CWF19L2: variants seen among roughly 807,000 people sequenced by gnomAD.
CWF19L2 encodes the protein CWF19-like protein 2.
Under a neutral mutation model 111.7 loss-of-function variants are expected in CWF19L2, and 98 were observed. The observed-to-expected ratio is 0.88, with a 90% CI of 0.75 to 1.04. CWF19L2 has a LOEUF of 1.04. Ranked by LOEUF, CWF19L2 falls within the 50% of genes least tolerant of loss-of-function variation. The pLI, the probability that CWF19L2 is intolerant of heterozygous loss-of-function variation, is 0.00. For missense variants in CWF19L2, 1,101 were observed against 1,051.4 expected (o/e 1.05, Z -0.65); for synonymous variants, 351 against 342.9 (o/e 1.02, Z -0.26).
intron 14 of CWF19L2, 70 bp from the exon 15 acceptor site, chr11:107,336,783 T>C (rs1859931790): frequency 1.2e-6 from 1 of 837,078 alleles, no homozygotes; most frequent in Non-Finnish European, 1.8e-6. Flanking sequence ...ATTCAAGATA[T>C]TTGAAATATG....
intron 14 of CWF19L2, among the ~76,000 whole-genome samples, chr11:107,337,455 A>T (rs1859944090): frequency 6.6e-6 from 1 of 151,366 alleles, no homozygotes; most frequent in Non-Finnish European, 1.5e-5. Flanking sequence ...GTAGAGGGTG[A>T]CTGAATAGAG....
At chr11:107,385,977 T>G (rs1722211341) in intron 12 of CWF19L2, among the ~76,000 whole-genome samples, 1 of 152,228 alleles carries the variant, frequency 6.6e-6, no homozygotes, top group South Asian at 2.1e-4. Context: ...TTATGATTAT[T>G]GTGGTTAATC....
At chr11:107,411,492 C>A (rs1455437827) in intron 10 of CWF19L2, among the ~76,000 whole-genome samples, 1 of 151,876 alleles carries the variant, frequency 6.6e-6, no homozygotes, top group African/African-American at 2.4e-5. Flanking sequence ...GTATTTGAAA[C>A]CCTTAAGTGA....
chr11:107,345,138 A>G (rs1860060241), intron 14 of CWF19L2, among the ~76,000 whole-genome samples: 1 of 152,200 alleles, frequency 6.6e-6, no homozygotes. Context: ...AAATAGGAAA[A>G]TATACAAATT....
At chr11:107,403,350 CTT>C in intron 10 of CWF19L2, 1 of 561,886 alleles carries the variant, frequency 1.8e-6, no homozygotes, top group South Asian at 2.3e-5. Context: ...AACCAAAAAA[CTT>C]TTTTTCATTT....
At chr11:107,351,654 T>C (rs555029232) in intron 13 of CWF19L2, among the ~76,000 whole-genome samples, 1 of 152,294 alleles carries the variant, frequency 6.6e-6, no homozygotes, top group African/African-American at 2.4e-5. Flanking sequence ...CATAAAGGCA[T>C]CCAGTTATTT....
intron 13 of CWF19L2, among the ~76,000 whole-genome samples, chr11:107,350,924 C>T (rs1860148213): frequency 1.3e-5 from 2 of 152,120 alleles, no homozygotes; most frequent in South Asian, 4.1e-4. Flanking sequence ...TGCTCTCCAG[C>T]TTGTCAGACA....
At chr11:107,407,848 AT>A (rs984512068) in intron 10 of CWF19L2, among the ~76,000 whole-genome samples, 12 of 152,058 alleles carry the variant, frequency 7.9e-5, no homozygotes, top group Admixed American at 6.6e-4. Flanking sequence ...AATAAAAAAA[AT>A]TTTTTAACTA....
intron 14 of CWF19L2, among the ~76,000 whole-genome samples, chr11:107,343,951 A>G (rs1173495691): frequency 6.6e-6 from 1 of 152,062 alleles, no homozygotes; most frequent in Admixed American, 6.5e-5. Flanking sequence ...GCGGTGGCTC[A>G]CGCTTGTAAT....
Position 107,364,302 on chromosome 11 carries a change from T to G in CWF19L2, c.1873-10566A>C, listed in dbSNP as rs535781076. Among the ~76,000 whole-genome samples the G allele has an allele frequency of 1.6e-4, 24 of 145,908 alleles. 2 individuals are homozygous for G. The South Asian group carries it at 5.2e-3, about 32-fold the overall frequency. ...CAACAAGGATACCCAGGAATTGAAC[T>G]CAGCTCTGCCTCAAGCGGACCTAAT... is the stretch of plus-strand genomic sequence containing the variant. On this transcript the variant is annotated intron_variant, in intron 12 of 17. Coordinates refer to ENST00000282251, the MANE Select transcript of CWF19L2 (RefSeq NM_152434.3).
Position 107,454,512 on chromosome 11 carries a change from T to A in CWF19L2, c.277A>T (p.Lys93Ter). 1 of 1,483,018 alleles carries A rather than the reference T, an allele frequency of 6.7e-7. No homozygotes were observed. The highest frequency in any genetic ancestry group is 8.9e-7 in the Non-Finnish European group (1 of 1,121,632). 91.9% of individuals were successfully genotyped at this position (1,483,018 alleles called of 1,614,324 possible). ...DKHSKKAKKE[K>*]KKKSKKQKYE... ...TTCTGTTTCTTGCTCTTTTTTTTCT[T>A]TTCTTTCTTTGCTTTTTTTGAATGC... The change falls in exon 3 of 18, where the codon AAG (lysine) becomes TAG (stop). Residue 93 changes from lysine to a stop codon, truncating the protein, a stop_gained. Transcript: ENST00000282251. LOFTEE classifies it high-confidence loss of function.
chr11:107,438,350 C>T (rs1248400234), intron 6 of CWF19L2, among the ~76,000 whole-genome samples: 1 of 152,092 alleles, frequency 6.6e-6, no homozygotes, highest in African/African-American at 2.4e-5. Context: ...ATTTTGTCTC[C>T]ATCTGCTGGA....
intron 5 of CWF19L2, among the ~76,000 whole-genome samples, chr11:107,440,474 A>G (rs1387268877): frequency 1.3e-5 from 2 of 152,220 alleles, no homozygotes; most frequent in Non-Finnish European, 2.9e-5. Context: ...GTTTGTATCA[A>G]AAAAGGTTCT....
chr11:107,403,633 G>A (rs562473862), intron 10 of CWF19L2: 25 of 775,894 alleles, frequency 3.2e-5, no homozygotes, highest in South Asian at 8.0e-5. Context: ...TGTTCTCCTC[G>A]TCTTTCTTCT....
At chr11:107,431,620 A>G (rs1861466425) in intron 7 of CWF19L2, among the ~76,000 whole-genome samples, 1 of 152,168 alleles carries the variant, frequency 6.6e-6, no homozygotes, top group South Asian at 2.1e-4. Flanking sequence ...ATAAGAAAGC[A>G]AAGCTAATTT....
intron 5 of CWF19L2, among the ~76,000 whole-genome samples, 191 bp downstream of exon 5, chr11:107,441,312 C>T (rs967524701): frequency 7.9e-5 from 12 of 152,002 alleles, no homozygotes; most frequent in African/African-American, 1.9e-4. Flanking sequence ...ATCTAGTAAA[C>T]CTTTAAACTC....
At position 107,351,285 on chromosome 11, in the gene CWF19L2, G is replaced by A. The variant is rs532809767; in HGVS notation, c.2086-2232C>T. Among the ~76,000 whole-genome samples the A allele has an allele frequency of 2.6e-5, 4 of 152,294 alleles. No individual in the cohort carries two copies. The South Asian group carries it at 8.3e-4, about 32-fold the overall frequency. On this transcript the variant is annotated intron_variant, in intron 13 of 17. Coordinates refer to ENST00000282251, the MANE Select transcript of CWF19L2 (RefSeq NM_152434.3). ...AATTTAGAAATGGACAGTAAGGAGT[G>A]AGGGAAAGTAAAGGACTCAATATTA...
At chr11:107,393,158 G>C (rs1040887392) in intron 10 of CWF19L2, among the ~76,000 whole-genome samples, 1 of 151,988 alleles carries the variant, frequency 6.6e-6, no homozygotes, top group Admixed American at 6.6e-5. Flanking sequence ...TTTTCATCTA[G>C]ACAATATTAA....
Position 107,361,930 on chromosome 11 carries a change from G to A in CWF19L2, c.1873-8194C>T, listed in dbSNP as rs532092998. On this transcript the variant is annotated intron_variant, in intron 12 of 17. Transcript: ENST00000282251. ...TGAGGTACCGGGTTCATCTCACTAG[G>A]GAGTGCCAGACAGTGGGCGCAGGTT... is the stretch of plus-strand genomic sequence containing the variant. Among the ~76,000 whole-genome samples, 44 of 152,322 alleles carry A rather than the reference G, an allele frequency of 2.9e-4. No individual in the cohort carries two copies. The East Asian group carries it at 8.5e-3, about 29-fold the overall frequency.
Sources: allele counts gnomAD v4.1 joint callset (sites outside exome capture counted in the v4.1 genomes callset), GRCh38; gene constraint gnomAD v4.1.1; transcripts MANE v1.5; gene names NCBI Gene and HGNC (gene_info 2026-07-23, HGNC 2026-07-21).